The following PHACTR3 variants were observed in gnomAD, a reference collection of about 807,000 sequenced individuals.
PHACTR3 encodes protein phosphatase 1, regulatory subunit 123.
In PHACTR3, 16 loss-of-function variants were observed where a neutral mutation model predicts 66.8. The observed-to-expected ratio is 0.24, with a 90% confidence interval of 0.16 to 0.36. PHACTR3 has a LOEUF of 0.36. Ranked by LOEUF, PHACTR3 falls within the 10% of genes least tolerant of loss-of-function variation. The pLI, the probability that PHACTR3 is intolerant of heterozygous loss-of-function variation, is 1.00. For synonymous variants in PHACTR3, 323 were observed against 292.1 expected (o/e 1.11, Z -1.08); for missense variants, 647 against 719.9 (o/e 0.90, Z 1.16).
intron 1 of PHACTR3, among the ~76,000 whole-genome samples, chr20:59,735,032 G>A (rs1218354640): frequency 2.0e-5 from 3 of 152,028 alleles, no homozygotes; most frequent in Non-Finnish European, 4.4e-5. Context: ...AGGGTACCTA[G>A]CACCACTTTG....
intron 1 of PHACTR3, among the ~76,000 whole-genome samples, chr20:59,624,376 G>A (rs905936871): frequency 3.9e-5 from 6 of 152,074 alleles, no homozygotes; most frequent in Non-Finnish European, 5.9e-5. Flanking sequence ...GAGACTCGCC[G>A]GGGGTCTTGT....
chr20:59,783,446 C>CT (rs11481212), intron 7 of PHACTR3, among the ~76,000 whole-genome samples: 10,040 of 150,674 alleles, frequency 0.067, 783 homozygotes, highest in African/African-American at 0.18. Flanking sequence ...CACCCCGGCC[C>CT]TTTTTTTTGT....
At chr20:59,588,632 C>T (rs1271583733) in intron 1 of PHACTR3, among the ~76,000 whole-genome samples, 2 of 152,314 alleles carry the variant, frequency 1.3e-5, no homozygotes, top group Non-Finnish European at 1.5e-5. Context: ...GCCATCTTCC[C>T]GGTACTGCCC....
Position 59,736,512 on chromosome 20 carries a change from C to T in PHACTR3, c.119-6595C>T, listed in dbSNP as rs959361373. ...ACCCACCCACGCCCATGCACACTGGCTCCGCAGGTGCTCACCCGCCCACCC... is the reference window on the plus strand; with the variant it reads ...ACCCACCCACGCCCATGCACACTGGTTCCGCAGGTGCTCACCCGCCCACCC... On this transcript the variant is annotated intron_variant, in intron 1 of 12. Coordinates refer to ENST00000371015, the MANE Select transcript of PHACTR3 (RefSeq NM_080672.5). This position sits in a 1 kb window ranked among gnomAD's most constrained non-coding sequence, Gnocchi z 4.6. Among the ~76,000 whole-genome samples, 7 of 151,240 alleles carry T rather than the reference C, an allele frequency of 4.6e-5. No individual in the cohort carries two copies. The highest frequency in any genetic ancestry group is 1.7e-4 in the African/African-American group (7 of 41,228).
At chr20:59,651,863 AG>A (rs1568960674) in intron 1 of PHACTR3, among the ~76,000 whole-genome samples, 2 of 144,372 alleles carry the variant, frequency 1.4e-5, no homozygotes, top group African/African-American at 2.6e-5. Context: ...GTAGGTAGGT[AG>A]GTAGGTAGGT....
chr20:59,623,623 C>T (rs1425845165), intron 1 of PHACTR3, among the ~76,000 whole-genome samples: 2 of 152,176 alleles, frequency 1.3e-5, no homozygotes, highest in African/African-American at 2.4e-5. Context: ...CTTAAAACTG[C>T]ATCTGTGGGA....
chr20:59,742,975 C>T, intron 1 of PHACTR3, 132 bp from the exon 2 acceptor site: 1 of 1,051,530 alleles, frequency 9.5e-7, no homozygotes. Flanking sequence ...CACTGCTGGA[C>T]AACCATCCTG....
In PHACTR3 at chr20:59,605,093, T is replaced by C. The variant is rs1276553194; in HGVS notation, c.79T>C (p.Ser27Pro). ...SQSDPSVLTD[S>P]SATSSADAGE... ...GAGTGACCCCAGCGTCCTCACCGAC[T>C]CCTCGGCCACCTCCTCCGCGGACGC... The change falls in exon 1 of 13, where the codon TCC (serine) becomes CCC (proline). Residue 27 changes from serine (S) to proline (P), a missense_variant. Around this residue, in one of 2 missense-constraint regions of PHACTR3, gnomAD observed 577 missense variants for 571.1 expected, o/e 1.01. Coordinates refer to ENST00000371015, the MANE Select transcript of PHACTR3 (RefSeq NM_080672.5). The C allele has an allele frequency of 3.6e-6, 5 of 1,383,464 alleles. No homozygotes were observed. The highest frequency in any genetic ancestry group is 4.7e-6 in the Non-Finnish European group (5 of 1,060,436). The allele number at this position is 1,383,464 out of a possible 1,614,324, so 85.7% of individuals were successfully genotyped here.
chr20:59,748,380 C>T lies in PHACTR3; in HGVS notation c.358+545C>T, dbSNP rs769608133. 2.7e-4 allele frequency among the ~76,000 whole-genome samples: 41 copies of T among 152,212 alleles called. 1 individual carries two copies. The highest frequency in any genetic ancestry group is 6.8e-3 in the Middle Eastern group (2 of 294). ...ACTTGCAGACGAGGCGTGGGAGGGT[C>T]TGGGTGGTGACTGCCCCAAGTCATT... is the stretch of plus-strand genomic sequence containing the variant. On this transcript the variant is annotated intron_variant, in intron 3 of 12. Coordinates refer to ENST00000371015, the MANE Select transcript of PHACTR3 (RefSeq NM_080672.5).
At chr20:59,602,757 C>T (rs963063214), upstream of PHACTR3, among the ~76,000 whole-genome samples, 14 of 152,150 alleles carry the variant, frequency 9.2e-5, no homozygotes, top group African/African-American at 1.7e-4. Flanking sequence ...CACCCAGACT[C>T]GGAAGGGGCC....
At position 59,605,047 on chromosome 20, in the gene PHACTR3, C is replaced by T. The variant is rs1469376435; in HGVS notation, c.33C>T (p.Leu11=). The T allele has an allele frequency of 2.2e-6, 3 of 1,380,676 alleles. No individual in the cohort carries two copies. The highest frequency in any genetic ancestry group is 2.2e-4 in the Middle Eastern group (1 of 4,562). 85.5% of individuals were successfully genotyped at this position (1,380,676 alleles called of 1,614,324 possible). Residue 11 remains leucine, a synonymous_variant, in exon 1 of 13, where the codon CTC becomes CTT. Coordinates refer to ENST00000371015, the MANE Select transcript of PHACTR3 (RefSeq NM_080672.5). MAASEDGSGC[L]VSRGRSQSDP... ...CGTCGGAGGACGGGAGCGGCTGCCT[C>T]GTGTCGCGGGGCCGCTCGCAGAGTG...
At chr20:59,777,889 C>T (rs966382624) in intron 7 of PHACTR3, among the ~76,000 whole-genome samples, 2 of 152,112 alleles carry the variant, frequency 1.3e-5, no homozygotes, top group Non-Finnish European at 1.5e-5. Context: ...TCCAGGGTGT[C>T]TCTGTGGACT....
At chr20:59,795,611 T>A (rs2041232863) in intron 7 of PHACTR3, among the ~76,000 whole-genome samples, 1 of 152,122 alleles carries the variant, frequency 6.6e-6, no homozygotes. Flanking sequence ...GTGTTGCAAT[T>A]TATGTCTTCA....
upstream of PHACTR3, among the ~76,000 whole-genome samples, chr20:59,603,228 T>C (rs776477575): frequency 6.6e-6 from 1 of 152,206 alleles, no homozygotes; most frequent in Non-Finnish European, 1.5e-5. Flanking sequence ...CATTCTCGGC[T>C]TCACCCTCCC....
chr20:59,785,055 T>A (rs1205137675), intron 7 of PHACTR3, among the ~76,000 whole-genome samples: 1 of 152,014 alleles, frequency 6.6e-6, no homozygotes. Flanking sequence ...GGAGGGGCCA[T>A]GAGGAGGCTC....
chr20:59,775,890 G>T (rs532670139), intron 7 of PHACTR3, among the ~76,000 whole-genome samples: 4 of 152,322 alleles, frequency 2.6e-5, no homozygotes, highest in South Asian at 4.1e-4. Flanking sequence ...GCGATTCTCT[G>T]CTGGGGAGGG....
chr20:59,749,341 A>G (rs2039492197), intron 3 of PHACTR3, among the ~76,000 whole-genome samples: 1 of 152,224 alleles, frequency 6.6e-6, no homozygotes, highest in Non-Finnish European at 1.5e-5. Flanking sequence ...GTAAGTATAT[A>G]GATTTGGTTC....
At chr20:59,775,510 G>A (rs1000246330) in intron 7 of PHACTR3, among the ~76,000 whole-genome samples, 3 of 152,158 alleles carry the variant, frequency 2.0e-5, no homozygotes, top group Admixed American at 6.5e-5. Flanking sequence ...ATAGCCTCCC[G>A]CTTCCTGCTG....
intron 4 of PHACTR3, among the ~76,000 whole-genome samples, chr20:59,758,148 T>TG (rs2039872513): frequency 6.6e-6 from 1 of 152,256 alleles, no homozygotes; most frequent in African/African-American, 2.4e-5. Context: ...CATGGTTCCC[T>TG]GGGGACTTGT....
Sources: gnomAD v4.1 joint callset for allele counts (sites outside exome capture counted in the v4.1 genomes callset) on GRCh38, gnomAD v4.1.1 for gene constraint, gnomAD v4.1.1 regional missense constraint, Gnocchi (gnomAD v3.1) non-coding constraint, MANE v1.5 for transcripts, NCBI Gene and HGNC (gene_info 2026-07-23, HGNC 2026-07-21) for gene names.